Variants in WWOX observed in about 807,000 individuals in gnomAD.
WWOX encodes the protein WW domain-containing oxidoreductase.
A neutral mutation model predicts 46.2 loss-of-function variants in WWOX; 69 were observed. That is an observed-to-expected ratio of 1.49 (90% CI 1.23 to 1.82). The LOEUF (loss-of-function observed/expected upper bound fraction) is 1.82. WWOX is among the 40% of genes most tolerant of loss of function. The pLI is 0.00. For synonymous variants in WWOX, 359 were observed against 202.6 expected, an observed-to-expected ratio of 1.77 and a Z score of -6.56; for missense variants, 919 against 542.6, an observed-to-expected ratio of 1.69 and a Z score of -6.89.
At position 79,019,180 on chromosome 16, in the gene WWOX, A is replaced by AG. The variant is rs796558353; in HGVS notation, c.1057-192428_1057-192427insG. ...CTCAAAAAAAAAAAAAAAAAAAAAA[A>AG]AAAAAGAAAAAAAAAAGTTGGAATG... On this transcript the variant is annotated intron_variant, in intron 8 of 8. Coordinates refer to ENST00000566780, the MANE Select transcript of WWOX (RefSeq NM_016373.4). Among the ~76,000 whole-genome samples, 31 of 32,128 alleles carry AG rather than the reference A, an allele frequency of 9.6e-4. 3 individuals carry two copies. In the East Asian group the frequency reaches 0.033, roughly 35 times the overall value. 21.1% of individuals were successfully genotyped at this position (32,128 alleles called of 152,430 possible).
intron 8 of WWOX, among the ~76,000 whole-genome samples, chr16:79,086,492 C>T (rs2048856252): frequency 6.6e-6 from 1 of 152,186 alleles, no homozygotes; most frequent in Non-Finnish European, 1.5e-5. Context: ...GTGGTGGAAG[C>T]AAGACTTTGT....
intron 8 of WWOX, among the ~76,000 whole-genome samples, chr16:79,024,813 C>A (rs193031548): frequency 1.3e-5 from 2 of 152,140 alleles, no homozygotes; most frequent in Admixed American, 1.3e-4. Flanking sequence ...CTCAAGCAAT[C>A]CTCTCCTCTG....
chr16:78,436,653 C>T (rs151001629), intron 8 of WWOX, among the ~76,000 whole-genome samples: 5 of 152,216 alleles, frequency 3.3e-5, no homozygotes, highest in Admixed American at 1.3e-4. Context: ...GTGGAATTGG[C>T]GCTCTGAGCT....
chr16:78,622,097 T>C (rs1313831440), intron 8 of WWOX, among the ~76,000 whole-genome samples: 1 of 152,196 alleles, frequency 6.6e-6, no homozygotes, highest in African/African-American at 2.4e-5. Flanking sequence ...TATTACATCA[T>C]ACCTGGGCAG....
At chr16:78,640,985 G>T (rs2046694327) in intron 8 of WWOX, among the ~76,000 whole-genome samples, 1 of 151,210 alleles carries the variant, frequency 6.6e-6, no homozygotes, top group Non-Finnish European at 1.5e-5. Context: ...ACAGATGGAA[G>T]GAAGGAAAAG....
At chr16:78,130,826 A>C (rs1172121404) in intron 4 of WWOX, among the ~76,000 whole-genome samples, 2 of 152,240 alleles carry the variant, frequency 1.3e-5, no homozygotes, top group Admixed American at 6.5e-5. Flanking sequence ...TGGAGGATAC[A>C]AAACACACCA....
chr16:79,014,214 A>G (rs16949211), intron 8 of WWOX, among the ~76,000 whole-genome samples: 3,669 of 152,218 alleles, frequency 0.024, 161 homozygotes, highest in African/African-American at 0.084. Flanking sequence ...CATCTTCCCG[A>G]GATGGTGGTC....
intron 8 of WWOX, among the ~76,000 whole-genome samples, chr16:78,581,798 C>G (rs867332355): frequency 6.6e-6 from 1 of 152,126 alleles, no homozygotes; most frequent in Admixed American, 6.6e-5. Flanking sequence ...CAAAAGTTTT[C>G]CCCATACCAA....
At chr16:78,650,966 C>A (rs113076682) in intron 8 of WWOX, among the ~76,000 whole-genome samples, 31 of 152,342 alleles carry the variant, frequency 2.0e-4, no homozygotes, top group African/African-American at 7.2e-4. Context: ...TAATGTGATT[C>A]TCCTTAACAG....
intron 8 of WWOX, among the ~76,000 whole-genome samples, chr16:79,074,524 GA>G (rs2048617847): frequency 6.9e-6 from 1 of 145,520 alleles, no homozygotes; most frequent in South Asian, 2.2e-4. Flanking sequence ...GGATTTTGGG[GA>G]CAACAGTGAC....
chr16:78,637,811 C>A (rs1416491511), intron 8 of WWOX, among the ~76,000 whole-genome samples: 1 of 152,090 alleles, frequency 6.6e-6, no homozygotes, highest in African/African-American at 2.4e-5. Context: ...AACATTGTCC[C>A]AGGCCAGGGC....
chr16:78,953,454 C>G (rs542530351), intron 8 of WWOX, among the ~76,000 whole-genome samples: 8 of 145,772 alleles, frequency 5.5e-5, no homozygotes, highest in Middle Eastern at 3.7e-3. Context: ...CCCTTTAGGA[C>G]CTCTGCCCCA....
chr16:78,929,220 C>G (rs1346991674), intron 8 of WWOX, among the ~76,000 whole-genome samples: 1 of 151,622 alleles, frequency 6.6e-6, no homozygotes, highest in Non-Finnish European at 1.5e-5. Flanking sequence ...ATAAACTCTT[C>G]AGTTCTGTTG....
intron 5 of WWOX, among the ~76,000 whole-genome samples, chr16:78,288,063 A>AT (rs1242182591): frequency 3.3e-5 from 5 of 152,102 alleles, no homozygotes; most frequent in African/African-American, 1.2e-4. Flanking sequence ...TCTAATGAAT[A>AT]TTTTTTAACT....
Position 78,469,755 on chromosome 16 carries a change from G to C in WWOX, c.1056+37003G>C, listed in dbSNP as rs572742288. On this transcript the variant is annotated intron_variant, in intron 8 of 8. Coordinates refer to ENST00000566780, the MANE Select transcript of WWOX (RefSeq NM_016373.4). Reference sequence around the variant, plus strand: ...CTCTCATTTTATAGAAATGTTACCAGGCATATTTTCCCTGTTTCCCTAAGA... The same window carrying C: ...CTCTCATTTTATAGAAATGTTACCACGCATATTTTCCCTGTTTCCCTAAGA... Among the ~76,000 whole-genome samples, 52 of 152,292 alleles carry C rather than the reference G, an allele frequency of 3.4e-4. 2 individuals are homozygous for C. Among genetic ancestry groups the C allele is most frequent in the Admixed American group, 1.2e-3 (19 of 15,296 alleles).
At chr16:78,629,620 A>G (rs1057337667) in intron 8 of WWOX, among the ~76,000 whole-genome samples, 12 of 152,186 alleles carry the variant, frequency 7.9e-5, no homozygotes, top group Admixed American at 5.2e-4. Context: ...CACTTTCCCC[A>G]GAAACCTGCT....
intron 5 of WWOX, among the ~76,000 whole-genome samples, chr16:78,252,118 C>T (rs1482693305): frequency 6.6e-6 from 1 of 152,162 alleles, no homozygotes; most frequent in Non-Finnish European, 1.5e-5. Flanking sequence ...AGGGAGCACA[C>T]AGAGGTGCCC....
chr16:78,639,993 G>T (rs2046664733), intron 8 of WWOX, among the ~76,000 whole-genome samples: 1 of 152,198 alleles, frequency 6.6e-6, no homozygotes, highest in South Asian at 2.1e-4. Flanking sequence ...ATCCCACACA[G>T]TGCTGGGGCA....
chr16:78,482,491 G>C (rs2084519534), intron 8 of WWOX, among the ~76,000 whole-genome samples: 1 of 152,268 alleles, frequency 6.6e-6, no homozygotes, highest in East Asian at 1.9e-4. Flanking sequence ...CGAAAGTGCT[G>C]GGATGACAGG....
Sources: gnomAD v4.1 joint callset for allele counts (sites outside exome capture counted in the v4.1 genomes callset) on GRCh38, gnomAD v4.1.1 for gene constraint, MANE v1.5 for transcripts, NCBI Gene and HGNC (gene_info 2026-07-23, HGNC 2026-07-21) for gene names.